SMAD1: variants seen among roughly 807,000 people sequenced by gnomAD.
SMAD1 encodes the protein MAD, mothers against decapentaplegic homolog 1.
SMAD1 carries 6 observed loss-of-function variants against 41.6 expected under a neutral mutation model. The observed-to-expected ratio is 0.14, with a 90% CI of 0.08 to 0.28. SMAD1 has a LOEUF of 0.28. Among genes scored for constraint, SMAD1 ranks in the 10% least tolerant of loss-of-function variants. SMAD1 has a pLI of 1.00. For missense variants in SMAD1, 379 were observed against 582.6 expected (o/e 0.65, Z 3.60); for synonymous variants, 206 against 203.2 (o/e 1.01, Z -0.12).
At chr4:145,500,504 C>A (rs913923261) in intron 1 of SMAD1, among the ~76,000 whole-genome samples, 18 of 152,080 alleles carry the variant, frequency 1.2e-4, no homozygotes, top group African/African-American at 4.3e-4. Context: ...TTGGAATGCC[C>A]TTCCCCAGAT....
intron 2 of SMAD1, among the ~76,000 whole-genome samples, chr4:145,525,445 T>C (rs1451557570): frequency 1.3e-5 from 2 of 152,224 alleles, no homozygotes; most frequent in African/African-American, 4.8e-5. Context: ...GTAGGGTGGA[T>C]ACCATGAGCA....
chr4:145,547,836 A>G (rs1431651722), intron 5 of SMAD1, among the ~76,000 whole-genome samples: 1 of 152,198 alleles, frequency 6.6e-6, no homozygotes, highest in Non-Finnish European at 1.5e-5. Context: ...GTTCTCATGT[A>G]TTACGTATGT....
intron 1 of SMAD1, among the ~76,000 whole-genome samples, chr4:145,499,912 A>G (rs574515554): frequency 4.6e-5 from 7 of 152,242 alleles, no homozygotes; most frequent in Admixed American, 6.5e-5. Flanking sequence ...CTCTGGGTAG[A>G]AAGATTCCAT....
intron 2 of SMAD1, among the ~76,000 whole-genome samples, chr4:145,539,079 A>G (rs1731778789): frequency 6.6e-6 from 1 of 152,146 alleles, no homozygotes; most frequent in South Asian, 2.1e-4. Flanking sequence ...TTGAGTTTTC[A>G]GTTAGCAAAA....
At chr4:145,543,160 T>A (rs1026336081) in intron 4 of SMAD1, among the ~76,000 whole-genome samples, 1 of 152,126 alleles carries the variant, frequency 6.6e-6, no homozygotes, top group East Asian at 1.9e-4. Flanking sequence ...AGAGACAGGG[T>A]TTCACCATGT....
chr4:145,512,969 A>G (rs975252692), intron 1 of SMAD1, among the ~76,000 whole-genome samples: 3 of 152,190 alleles, frequency 2.0e-5, no homozygotes, highest in Non-Finnish European at 2.9e-5. Flanking sequence ...AGACTGGGGC[A>G]TATTCCTCCA....
chr4:145,522,799 C>T (rs1462662223), intron 2 of SMAD1, among the ~76,000 whole-genome samples: 2 of 151,882 alleles, frequency 1.3e-5, no homozygotes, highest in African/African-American at 4.8e-5. Flanking sequence ...CCTGCCTCAG[C>T]CTCCTCAGTA....
chr4:145,497,332 G>T (rs543985737), intron 1 of SMAD1: 40 of 152,306 alleles, frequency 2.6e-4, no homozygotes, highest in African/African-American at 8.2e-4. Flanking sequence ...ACTGTAGGTC[G>T]CTCTGTCTGC....
intron 2 of SMAD1, among the ~76,000 whole-genome samples, chr4:145,530,372 G>A (rs1472942061): frequency 6.6e-6 from 1 of 152,174 alleles, no homozygotes; most frequent in Non-Finnish European, 1.5e-5. Context: ...AAGCCACAAA[G>A]ATAGGTTGAA....
At chr4:145,505,571 A>G (rs1372046512) in intron 1 of SMAD1, among the ~76,000 whole-genome samples, 2 of 151,270 alleles carry the variant, frequency 1.3e-5, no homozygotes, top group Non-Finnish European at 2.9e-5. Context: ...GTGAGCCGAG[A>G]TCGCGCCACT....
At chr4:145,512,545 G>A (rs969512127) in intron 1 of SMAD1, among the ~76,000 whole-genome samples, 2 of 152,018 alleles carry the variant, frequency 1.3e-5, no homozygotes, top group African/African-American at 4.8e-5. Flanking sequence ...AGTCTCATTA[G>A]TTATATTTTT....
chr4:145,537,884 G>A (rs1323373787), intron 2 of SMAD1, among the ~76,000 whole-genome samples: 4 of 152,142 alleles, frequency 2.6e-5, no homozygotes, highest in African/African-American at 9.7e-5. Flanking sequence ...TGTTAGGCTG[G>A]TGCAAAGTTG....
Position 145,514,265 on chromosome 4 carries a change from T to G in SMAD1, c.-176-173T>G, listed in dbSNP as rs1039194721. Among the ~76,000 whole-genome samples, 1 of 152,166 alleles carries G rather than the reference T, an allele frequency of 6.6e-6. No homozygotes were observed. Among genetic ancestry groups the G allele is most frequent in the African/African-American group, 2.4e-5 (1 of 41,432 alleles). ...TTCTTAGAGGCTCCATCTCCAAATATAGTCATACTGAGAGTTAGGGCTTCC... is the reference window on the plus strand; with the variant it reads ...TTCTTAGAGGCTCCATCTCCAAATAGAGTCATACTGAGAGTTAGGGCTTCC... On this transcript the variant is annotated intron_variant, in intron 1 of 6. Transcript: ENST00000302085. The surrounding 1 kb of genome is among the most constrained non-coding windows in gnomAD (Gnocchi z 4.7).
At chr4:145,500,484 TTCTC>T (rs1729367620) in intron 1 of SMAD1, among the ~76,000 whole-genome samples, 1 of 152,088 alleles carries the variant, frequency 6.6e-6, no homozygotes, top group Non-Finnish European at 1.5e-5. Flanking sequence ...GCAATTGCCC[TTCTC>T]TCTGCTTGGA....
At chr4:145,528,451 A>G (rs1731154068) in intron 2 of SMAD1, among the ~76,000 whole-genome samples, 1 of 152,140 alleles carries the variant, frequency 6.6e-6, no homozygotes, top group Non-Finnish European at 1.5e-5. Context: ...TATGTTGCCC[A>G]GGCTGGTCTC....
intron 1 of SMAD1, among the ~76,000 whole-genome samples, chr4:145,486,830 A>T (rs1728501059): frequency 6.6e-6 from 1 of 152,188 alleles, no homozygotes; most frequent in African/African-American, 2.4e-5. Context: ...CTGTCTAGTG[A>T]TTGGAAAAGG....
At chr4:145,549,445 A>G (rs1411832304) in intron 5 of SMAD1, among the ~76,000 whole-genome samples, 3 of 152,110 alleles carry the variant, frequency 2.0e-5, no homozygotes, top group African/African-American at 4.8e-5. Context: ...GTTACAATAC[A>G]TACATACAGA....
chr4:145,499,060 T>G (rs1250591136), intron 1 of SMAD1, among the ~76,000 whole-genome samples: 1 of 152,220 alleles, frequency 6.6e-6, no homozygotes, highest in Non-Finnish European at 1.5e-5. Flanking sequence ...TCGACTATCA[T>G]GTAAAATTAT....
intron 1 of SMAD1, chr4:145,503,034 A>T (rs984356235): frequency 6.6e-6 from 1 of 152,192 alleles, no homozygotes; most frequent in Non-Finnish European, 1.5e-5. Context: ...CTATAAATAG[A>T]ATTTCACGAA....
Sources: gnomAD v4.1 joint callset for allele counts (sites outside exome capture counted in the v4.1 genomes callset) on GRCh38, gnomAD v4.1.1 for gene constraint, Gnocchi (gnomAD v3.1) non-coding constraint, MANE v1.5 for transcripts, NCBI Gene and HGNC (gene_info 2026-07-23, HGNC 2026-07-21) for gene names.